MMACHC: variants seen among roughly 807,000 people sequenced by gnomAD.
MMACHC encodes metabolism of cobalamin associated C, also known as cyanocobalamin reductase / alkylcobalamin dealkylase.
A neutral mutation model predicts 17.6 loss-of-function variants in MMACHC; 14 were observed. The observed-to-expected ratio is 0.80, with a 90% CI of 0.53 to 1.25. MMACHC has a LOEUF of 1.25. Among genes scored for constraint, MMACHC ranks in the 50% most tolerant of loss-of-function variants. MMACHC has a pLI of 0.00. For synonymous variants in MMACHC, 151 were observed against 142.1 expected, an observed-to-expected ratio of 1.06 and a Z score of -0.45; for missense variants, 392 against 364.5, an observed-to-expected ratio of 1.08 and a Z score of -0.62.
chr1:45,502,532 G>C (rs191661500), intron 1 of MMACHC, among the ~76,000 whole-genome samples: 1 of 151,890 alleles, frequency 6.6e-6, no homozygotes, highest in Non-Finnish European at 1.5e-5. Context: ...ATGAGTCACC[G>C]CACTCAGTCT....
intron 1 of MMACHC, among the ~76,000 whole-genome samples, chr1:45,503,681 C>G (rs1643577157): frequency 6.6e-6 from 1 of 152,122 alleles, no homozygotes; most frequent in African/African-American, 2.4e-5. Flanking sequence ...TGAGCACCGA[C>G]ACAGACTTCA....
chr1:45,505,889 G>A (rs1643612796), intron 1 of MMACHC, among the ~76,000 whole-genome samples: 1 of 135,624 alleles, frequency 7.4e-6, no homozygotes, highest in Non-Finnish European at 1.5e-5. Flanking sequence ...GCAACAGAGT[G>A]AGACTCCGTC....
rs1350201115 is a variant in MMACHC, at chr1:45,508,153, G to A, written c.277-59G>A. The A allele has an allele frequency of 5.6e-6, 9 of 1,596,586 alleles. No individual in the cohort carries two copies. The South Asian group carries it at 6.6e-5, about 12-fold the overall frequency. On this transcript the variant is annotated intron_variant, in intron 2 of 3. Coordinates refer to ENST00000401061, the MANE Select transcript of MMACHC (RefSeq NM_015506.3). ...ACACAAAACAAACTAGGGCTCCCTC[G>A]GACAAGGTCATAACTCCCCTCATGC...
rs1553163024 is a variant in MMACHC, at chr1:45,509,213, TG to T, written c.848del (p.Ter283TyrfsTer8). The stretch of plus-strand genomic sequence containing the variant: ...CTCACCACCTGCATCCCCTGGCCCT[TG>T]ATTTTCTCCCATGTGGACCCTGATT... ...RVSPPASPGP[*>X] On this transcript the variant is annotated frameshift_variant and stop_lost, in exon 4 of 4. Transcript: ENST00000401061. LOFTEE classifies it high-confidence loss of function. The T allele has an allele frequency of 6.8e-6, 11 of 1,613,856 alleles. No homozygotes were observed. In the South Asian group the frequency reaches 8.8e-5, roughly 13 times the overall value.
intron 1 of MMACHC, among the ~76,000 whole-genome samples, chr1:45,502,897 G>C (rs918594433): frequency 5.3e-5 from 8 of 151,840 alleles, no homozygotes; most frequent in Non-Finnish European, 1.0e-4. Flanking sequence ...AGTAGAGACA[G>C]TTTCTCCATG....
Position 45,508,821 on chromosome 1 carries a change from C to T in MMACHC, c.455C>T (p.Pro152Leu), listed in dbSNP as rs754032179. 5 of 1,614,082 alleles carry T rather than the reference C, an allele frequency of 3.1e-6. No individual in the cohort carries two copies. The Admixed American group carries it at 8.3e-5, about 27-fold the overall frequency. ...NQRISGVCIHPRFGGWFAIRG... is the reference protein window; with the variant it reads ...NQRISGVCIHLRFGGWFAIRG... Reference sequence around the variant, plus strand: ...CGCATATCAGGTGTGTGCATACACCCCCGATTTGGGGGCTGGTTTGCCATC... The same window carrying T: ...CGCATATCAGGTGTGTGCATACACCTCCGATTTGGGGGCTGGTTTGCCATC... The change falls in exon 4 of 4, where the codon CCC becomes CTC. Residue 152 changes from proline to leucine, a missense_variant. Transcript: ENST00000401061.
Position 45,507,135 on chromosome 1 carries a change from C to T in MMACHC, c.82-221C>T, listed in dbSNP as rs57462054. On this transcript the variant is annotated intron_variant, in intron 1 of 3. Transcript: ENST00000401061. ...GGGCCAAGATCATGCCACTGCACTC[C>T]AGCCTGGGTGACAGAGCAAGACTCT... is the stretch of plus-strand genomic sequence containing the variant. Among the ~76,000 whole-genome samples, 7,880 of 152,216 alleles carry T rather than the reference C, an allele frequency of 0.052. 712 individuals are homozygous for T. The highest frequency in any genetic ancestry group is 0.18 in the African/African-American group (7,487 of 41,498).
rs1643696668 is a variant in MMACHC at position 45,509,416 on chromosome 1, G to GTTTGT, written c.*204_*205insGTTTT. ...AGAATTCCCATCTGCCTTCAAATGAGTTTTTTTTTTTTTTTTAGACAGAGT... is the reference window on the plus strand; with the variant it reads ...AGAATTCCCATCTGCCTTCAAATGAGTTTGTTTTTTTTTTTTTTTTTAGACAGAGT... On this transcript the variant is annotated 3_prime_UTR_variant, in exon 4 of 4. Coordinates refer to ENST00000401061, the MANE Select transcript of MMACHC (RefSeq NM_015506.3). The GTTTGT allele has an allele frequency of 2.9e-6, 1 of 344,414 alleles. No homozygotes were observed. Among genetic ancestry groups the GTTTGT allele is most frequent in the Non-Finnish European group, 5.0e-6 (1 of 199,722 alleles). 21.3% of individuals were successfully genotyped at this position (344,414 alleles called of 1,614,324 possible). A position where few individuals can be genotyped will look rare whatever the true frequency, so the allele number is the denominator to read the frequency against.
At chr1:45,506,273 C>T (rs1643618671) in intron 1 of MMACHC, among the ~76,000 whole-genome samples, 1 of 152,170 alleles carries the variant, frequency 6.6e-6, no homozygotes, top group Non-Finnish European at 1.5e-5. Flanking sequence ...CAATATTTTT[C>T]TGAACAACTG....
Position 45,508,371 on chromosome 1 carries a change from G to C in MMACHC, c.429+7G>C, listed in dbSNP as rs1227206156. On this transcript the variant is annotated splice_region_variant and intron_variant, in intron 3 of 3. Coordinates refer to ENST00000401061, the MANE Select transcript of MMACHC (RefSeq NM_015506.3). ...TGACCCATGGGGGAACCAGGTGAGA[G>C]GGAAAATGTAAATAGAGGCTGAGAT... 10 of 1,614,102 alleles carry C rather than the reference G, an allele frequency of 6.2e-6. No homozygotes were observed. Among genetic ancestry groups the C allele is most frequent in the South Asian group, 3.3e-5 (3 of 91,066 alleles).
At chr1:45,502,251 A>T (rs897013916) in intron 1 of MMACHC, among the ~76,000 whole-genome samples, 7 of 152,172 alleles carry the variant, frequency 4.6e-5, no homozygotes, top group Non-Finnish European at 8.8e-5. Flanking sequence ...GTGTTTGCTT[A>T]TGCTGTGACT....
chr1:45,507,613 T>C, intron 2 of MMACHC, 63 bp downstream of exon 2: 1 of 1,562,034 alleles, frequency 6.4e-7, no homozygotes, highest in Non-Finnish European at 8.8e-7. Context: ...TCCTCCACAC[T>C]CAATGCAGGA....
Position 45,512,528 on chromosome 1 carries a change from T to C in MMACHC, c.*3313T>C, listed in dbSNP as rs543269224. On this transcript the variant is annotated 3_prime_UTR_variant, in exon 4 of 4. Transcript: ENST00000401061. ...CAGTCTGGGCGACAAAACAAGACTC[T>C]GTCTCAAAAAAAAAAAGTGTTTGGC... The C allele has an allele frequency of 6.6e-6, 1 of 150,510 alleles. No individual in the cohort carries two copies. The highest frequency in any genetic ancestry group is 2.0e-4 in the East Asian group (1 of 4,952). 9.3% of individuals were successfully genotyped at this position (150,510 alleles called of 1,614,324 possible).
At position 45,511,256 on chromosome 1, in the gene MMACHC, G is replaced by GAAA; in HGVS notation, c.*2049_*2051dup. ...TCTGAAGTCTTGTGTTTTACTAATG[G>GAAA]AAAAAAAAAATACAGAAGAGGTTTT... On this transcript the variant is annotated 3_prime_UTR_variant, in exon 4 of 4. Transcript: ENST00000401061. 1 of 1,180,616 alleles carries GAAA rather than the reference G, an allele frequency of 8.5e-7. No homozygotes were observed. Among genetic ancestry groups the GAAA allele is most frequent in the Admixed American group, 2.5e-5 (1 of 40,160 alleles). 73.1% of individuals were successfully genotyped at this position (1,180,616 alleles called of 1,614,324 possible).
intron 3 of MMACHC, 31 bp from the exon 4 acceptor site, chr1:45,508,765 A>G (rs1643675858): frequency 6.2e-7 from 1 of 1,606,242 alleles, no homozygotes. Flanking sequence ...GGGGACCTCC[A>G]TGACCTTGCT....
intron 1 of MMACHC, among the ~76,000 whole-genome samples, chr1:45,504,224 C>T (rs1242866687): frequency 1.3e-5 from 2 of 151,988 alleles, no homozygotes; most frequent in African/African-American, 2.4e-5. Context: ...AGACCAGCCT[C>T]GCCAACATGA....
In MMACHC at chr1:45,510,277, G is replaced by A. The variant is rs1471334046; in HGVS notation, c.*1062G>A. The A allele has an allele frequency of 2.0e-5, 3 of 152,172 alleles. No individual in the cohort carries two copies. Among genetic ancestry groups the A allele is most frequent in the African/African-American group, 4.8e-5 (2 of 41,416 alleles). 9.4% of individuals were successfully genotyped at this position (152,172 alleles called of 1,614,324 possible). ...AGTAGCTGAGGAAGACAAGTGGCTGGAATGGTATCACATGATACACAGAAG... is the reference window on the plus strand; with the variant it reads ...AGTAGCTGAGGAAGACAAGTGGCTGAAATGGTATCACATGATACACAGAAG... On this transcript the variant is annotated 3_prime_UTR_variant, in exon 4 of 4. Coordinates refer to ENST00000401061, the MANE Select transcript of MMACHC (RefSeq NM_015506.3).
chr1:45,509,031 ACTT>A lies in MMACHC; in HGVS notation c.668_670del (p.Phe223del), dbSNP rs1386589707. 1.2e-6 allele frequency: 2 copies of A among 1,614,114 alleles called. No individual in the cohort carries two copies. Among genetic ancestry groups the A allele is most frequent in the Non-Finnish European group, 1.7e-6 (2 of 1,179,992 alleles). On this transcript the variant is annotated inframe_deletion, in exon 4 of 4. Transcript: ENST00000401061. ...CGCTACTCAGAAGAGCAGAAGGCCT[ACTT>A]CTCCACTCCACCTGCCCAACGATTG...
At chr1:45,506,547 C>A (rs1643622547) in intron 1 of MMACHC, among the ~76,000 whole-genome samples, 1 of 151,970 alleles carries the variant, frequency 6.6e-6, no homozygotes, top group South Asian at 2.1e-4. Flanking sequence ...AGTGCAGTGG[C>A]ACGATCTTGT....
Sources: gnomAD v4.1 joint callset for allele counts (sites outside exome capture counted in the v4.1 genomes callset) on GRCh38, gnomAD v4.1.1 for gene constraint, MANE v1.5 for transcripts, NCBI Gene and HGNC (gene_info 2026-07-23, HGNC 2026-07-21) for gene names.